NCOA1: variants seen among roughly 807,000 people sequenced by gnomAD.
The protein encoded by NCOA1 is Hin-2 protein.
A neutral mutation model predicts 150.9 loss-of-function variants in NCOA1; 35 were observed. That is an observed-to-expected ratio of 0.23 (90% CI 0.18 to 0.31). The LOEUF is 0.31. Ranked by LOEUF, NCOA1 falls within the 10% of genes least tolerant of loss-of-function variation. NCOA1 has a pLI of 1.00. For missense variants in NCOA1, 1,491 were observed against 1,749.3 expected, an observed-to-expected ratio of 0.85 and a Z score of 2.63; for synonymous variants, 590 against 630.0, an observed-to-expected ratio of 0.94 and a Z score of 0.95.
chr2:24,541,524 C>A (rs62142274), intron 1 of NCOA1, among the ~76,000 whole-genome samples: 22,421 of 152,200 alleles, frequency 0.15, 1,989 homozygotes, highest in Non-Finnish European at 0.2. Flanking sequence ...GGAACCTAAT[C>A]CTAACTGACA....
intron 19 of NCOA1, among the ~76,000 whole-genome samples, chr2:24,749,109 A>G (rs1045238251): frequency 2.6e-5 from 4 of 152,244 alleles, no homozygotes; most frequent in Admixed American, 2.0e-4. Context: ...TTAAATTCTA[A>G]TGGATATCTA....
chr2:24,630,067 G>A (rs941389363), intron 3 of NCOA1, among the ~76,000 whole-genome samples: 10 of 151,704 alleles, frequency 6.6e-5, no homozygotes, highest in African/African-American at 2.4e-4. Flanking sequence ...GGATGGTCTC[G>A]ATCTCCTGAC....
chr2:24,728,235 A>G (rs977226662), intron 15 of NCOA1, 73 bp from the exon 16 acceptor site: 12 of 1,337,854 alleles, frequency 9.0e-6, no homozygotes, highest in South Asian at 1.5e-5. Flanking sequence ...ATTTGCATCT[A>G]TATATGTATA....
chr2:24,634,906 G>A (rs754696106), intron 3 of NCOA1, among the ~76,000 whole-genome samples: 4 of 151,862 alleles, frequency 2.6e-5, no homozygotes, highest in Non-Finnish European at 5.9e-5. Context: ...TTGTAGAGAC[G>A]GGGCCTCACT....
chr2:24,716,143 CAAAA>C (rs35089767), intron 14 of NCOA1, among the ~76,000 whole-genome samples: 3 of 85,358 alleles, frequency 3.5e-5, no homozygotes, highest in Non-Finnish European at 6.8e-5. Flanking sequence ...GACTCCGTCT[CAAAA>C]AAAAAAAAAA....
chr2:24,740,405 C>A (rs1320463800), intron 18 of NCOA1, among the ~76,000 whole-genome samples: 1 of 152,176 alleles, frequency 6.6e-6, no homozygotes, highest in Non-Finnish European at 1.5e-5. Flanking sequence ...GCCTATTGCT[C>A]CTAGGCTATA....
chr2:24,759,763 G>A (rs1284413042), intron 21 of NCOA1, among the ~76,000 whole-genome samples: 3 of 151,902 alleles, frequency 2.0e-5, no homozygotes, highest in Admixed American at 6.6e-5. Context: ...ATCACATGAG[G>A]TGATATATGT....
chr2:24,580,325 T>G (rs924572794), intron 2 of NCOA1, among the ~76,000 whole-genome samples: 2 of 152,244 alleles, frequency 1.3e-5, no homozygotes, highest in Non-Finnish European at 2.9e-5. Flanking sequence ...AGAGCACTTT[T>G]TCAGCCCAGC....
intron 3 of NCOA1, among the ~76,000 whole-genome samples, chr2:24,607,853 A>G (rs932782243): frequency 1.3e-5 from 2 of 152,150 alleles, no homozygotes; most frequent in Non-Finnish European, 2.9e-5. Context: ...GTAAAACTCA[A>G]CTTTCTTTGT....
chr2:24,744,082 C>G (rs985132366), intron 19 of NCOA1, among the ~76,000 whole-genome samples: 2 of 152,066 alleles, frequency 1.3e-5, no homozygotes, highest in Non-Finnish European at 2.9e-5. Flanking sequence ...CTGGGTCTAG[C>G]CTTTTGATCT....
chr2:24,616,572 G>C (rs766570086), intron 3 of NCOA1, among the ~76,000 whole-genome samples: 31 of 152,074 alleles, frequency 2.0e-4, no homozygotes, highest in Non-Finnish European at 3.8e-4. Context: ...AAATGAAGTT[G>C]GTCTTTAAAA....
chr2:24,578,082 T>A (rs895086017), intron 2 of NCOA1, among the ~76,000 whole-genome samples: 3 of 152,044 alleles, frequency 2.0e-5, no homozygotes, highest in Non-Finnish European at 4.4e-5. Flanking sequence ...TACTGGCAAA[T>A]TTTTTTGGAT....
chr2:24,620,250 C>T (rs1342615214), intron 3 of NCOA1, among the ~76,000 whole-genome samples: 1 of 152,166 alleles, frequency 6.6e-6, no homozygotes, highest in Admixed American at 6.5e-5. Flanking sequence ...TATTGCCAAA[C>T]TTTGTATAAT....
At chr2:24,739,323 C>G in intron 17 of NCOA1, 109 bp from the exon 18 acceptor site, 1 of 758,670 alleles carries the variant, frequency 1.3e-6, no homozygotes, top group South Asian at 1.7e-5. Context: ...CTAACCAAAC[C>G]TGCAACACTA....
chr2:24,551,201 A>G (rs906065665), intron 1 of NCOA1, among the ~76,000 whole-genome samples: 1 of 152,148 alleles, frequency 6.6e-6, no homozygotes, highest in African/African-American at 2.4e-5. Context: ...TGTTTCAGAT[A>G]GCATAAAGAC....
At position 24,741,809 on chromosome 2, in the gene NCOA1, CACA is replaced by C; in HGVS notation, c.3332_3334del (p.Gln1111del). 1 of 1,613,168 alleles carries C rather than the reference CACA, an allele frequency of 6.2e-7. No individual in the cohort carries two copies. The highest frequency in any genetic ancestry group is 8.5e-7 in the Non-Finnish European group (1 of 1,179,586). ...CCACCCCTGAATGCTCAAATGTTGG[CACA>C]ACGTCAGCGGGAACTGTACAGTCAA... On this transcript the variant is annotated inframe_deletion, in exon 19 of 23. Coordinates refer to ENST00000348332, the MANE Select transcript of NCOA1 (RefSeq NM_003743.5).
Position 24,739,530 on chromosome 2 carries a change from T to G in NCOA1, c.3300T>G (p.Pro1100=). The change falls in exon 18 of 23, where the codon CCT becomes CCG. Residue 1100 remains proline, a synonymous_variant. Coordinates refer to ENST00000348332, the MANE Select transcript of NCOA1 (RefSeq NM_003743.5). ...MRSGMQQQIT[P]QPPLNAQMLA... ...CAGGCATGCAACAGCAAATTACACC[T>G]CAGGTAATGTGAGAAAACCAGACGT... 1 of 1,610,142 alleles carries G rather than the reference T, an allele frequency of 6.2e-7. No homozygotes were observed. Among genetic ancestry groups the G allele is most frequent in the Non-Finnish European group, 8.5e-7 (1 of 1,176,408 alleles).
intron 3 of NCOA1, among the ~76,000 whole-genome samples, chr2:24,614,732 T>G (rs1201267323): frequency 1.3e-5 from 2 of 152,218 alleles, no homozygotes; most frequent in Non-Finnish European, 2.9e-5. Context: ...ATAATTCTGA[T>G]GCACTGCAAG....
intron 7 of NCOA1, among the ~76,000 whole-genome samples, chr2:24,677,353 A>G (rs547200719): frequency 6.6e-6 from 1 of 152,094 alleles, no homozygotes; most frequent in African/African-American, 2.4e-5. Context: ...CAAAAACAAA[A>G]AAACAAACAA....
Sources: allele counts gnomAD v4.1 joint callset (sites outside exome capture counted in the v4.1 genomes callset), GRCh38; gene constraint gnomAD v4.1.1; transcripts MANE v1.5; gene names NCBI Gene and HGNC (gene_info 2026-07-23, HGNC 2026-07-21).